Variants in CLPTM1L observed in about 807,000 individuals in gnomAD.
CLPTM1L encodes CLPTM1 like.
In CLPTM1L, 38 loss-of-function variants were observed where a neutral mutation model predicts 70.9. That is an observed-to-expected ratio of 0.54 (90% CI 0.41 to 0.70). CLPTM1L has a LOEUF of 0.70. CLPTM1L is among the 30% of genes least tolerant of loss of function. CLPTM1L has a pLI of 0.00. For synonymous variants in CLPTM1L, 339 were observed against 299.9 expected (o/e 1.13, Z -1.35); for missense variants, 652 against 705.9 (o/e 0.92, Z 0.87).
At chr5:1,336,526 A>T (rs1416109302) in intron 5 of CLPTM1L, among the ~76,000 whole-genome samples, 1 of 152,220 alleles carries the variant, frequency 6.6e-6, no homozygotes, top group African/African-American at 2.4e-5. Flanking sequence ...GCCTGCAAGG[A>T]GTCAGCGGCA....
chr5:1,322,948 C>G, intron 12 of CLPTM1L, 37 bp from the exon 13 acceptor site: 1 of 1,582,496 alleles, frequency 6.3e-7, no homozygotes, highest in Non-Finnish European at 8.7e-7. Flanking sequence ...CTATTTCTCG[C>G]ATAGCTTAAT....
intron 9 of CLPTM1L, among the ~76,000 whole-genome samples, chr5:1,329,115 T>C (rs903123125): frequency 2.0e-5 from 3 of 152,270 alleles, no homozygotes; most frequent in African/African-American, 7.2e-5. Flanking sequence ...CAGAGCTCAG[T>C]GAGGAGCTAG....
At chr5:1,320,029 C>T (rs1752059043) in intron 16 of CLPTM1L, among the ~76,000 whole-genome samples, 1 of 152,178 alleles carries the variant, frequency 6.6e-6, no homozygotes, top group Admixed American at 6.5e-5. Flanking sequence ...TTGGAAAATT[C>T]CGAGGCCCGG....
intron 2 of CLPTM1L, 32 bp downstream of exon 2, chr5:1,344,319 C>T: frequency 1.4e-6 from 2 of 1,395,602 alleles, no homozygotes; most frequent in Non-Finnish European, 1.0e-6. Flanking sequence ...TAATGTTTTC[C>T]CTTTCACTGG....
chr5:1,337,107 C>T (rs1753622685), intron 5 of CLPTM1L, among the ~76,000 whole-genome samples: 1 of 152,178 alleles, frequency 6.6e-6, no homozygotes, highest in Non-Finnish European at 1.5e-5. Flanking sequence ...TGCAGGGAGG[C>T]AGGGCAGGGC....
chr5:1,326,429 C>A, intron 9 of CLPTM1L: 1 of 243,184 alleles, frequency 4.1e-6, no homozygotes, highest in South Asian at 4.7e-5. Context: ...CCAGCTCCTC[C>A]TCGACAGACA....
At position 1,342,866 on chromosome 5, in the gene CLPTM1L, G is replaced by C. The variant is rs1754034597; in HGVS notation, c.264-1006C>G. On this transcript the variant is annotated intron_variant, in intron 2 of 16. Coordinates refer to ENST00000320895, the MANE Select transcript of CLPTM1L (RefSeq NM_030782.5). This position sits in a 1 kb window ranked among gnomAD's most constrained non-coding sequence, Gnocchi z 4.3. Reference sequence around the variant, plus strand: ...GGCCTCCCAAACTGCTGGGATTATAGGCATGAGTCACTGTGCCCGGCCTCT... The same window carrying C: ...GGCCTCCCAAACTGCTGGGATTATACGCATGAGTCACTGTGCCCGGCCTCT... Among the ~76,000 whole-genome samples the C allele has an allele frequency of 6.6e-6, 1 of 152,224 alleles. No homozygotes were observed. Among genetic ancestry groups the C allele is most frequent in the African/African-American group, 2.4e-5 (1 of 41,474 alleles).
chr5:1,321,850 G>A (rs1303657538), intron 13 of CLPTM1L, 31 bp from the exon 14 acceptor site: 7 of 1,601,176 alleles, frequency 4.4e-6, no homozygotes, highest in South Asian at 2.2e-5. Flanking sequence ...CTCACGAGGT[G>A]CGGAGGGCCG....
Position 1,323,836 on chromosome 5 carries a change from G to T in CLPTM1L, c.1231C>A (p.Leu411Ile). The change falls in exon 12 of 17, where the codon CTC becomes ATC. Residue 411 changes from leucine (L) to isoleucine (I), a missense_variant. Leu to Ile is a conservative substitution (Grantham distance 5). Around this residue, in one of 3 missense-constraint regions of CLPTM1L, gnomAD observed 240 missense variants for 295.0 expected, o/e 0.81. Transcript: ENST00000320895. ...GAATAGACAGCACCCCCGACACAGA[G>T]AGGGTACAGCAGGTATGACAAGTAC... ...MKYLSYLLYP[L>I]CVGGAVYSLL... The T allele has an allele frequency of 6.2e-7, 1 of 1,613,876 alleles. No homozygotes were observed. Among genetic ancestry groups the T allele is most frequent in the Non-Finnish European group, 8.5e-7 (1 of 1,179,980 alleles).
Position 1,331,993 on chromosome 5 carries a change from T to C in CLPTM1L, c.892-110A>G, listed in dbSNP as rs188618906. The C allele has an allele frequency of 3.7e-6, 3 of 808,900 alleles. No homozygotes were observed. The East Asian group carries it at 7.9e-5, about 21-fold the overall frequency. The allele number at this position is 808,900 out of a possible 1,614,324, so 50.1% of individuals were successfully genotyped here. A position where few individuals can be genotyped will look rare whatever the true frequency, so the allele number is the denominator to read the frequency against. ...CGTGAGACTGCAGGTGTACTCAGCCTCAGGATGCATCAGGATAAGTGTCTA... is the reference window on the plus strand; with the variant it reads ...CGTGAGACTGCAGGTGTACTCAGCCCCAGGATGCATCAGGATAAGTGTCTA... On this transcript the variant is annotated intron_variant, in intron 7 of 16. Coordinates refer to ENST00000320895, the MANE Select transcript of CLPTM1L (RefSeq NM_030782.5).
At chr5:1,329,742 C>A (rs1476164828) in intron 9 of CLPTM1L, among the ~76,000 whole-genome samples, 1 of 90,206 alleles carries the variant, frequency 1.1e-5, no homozygotes, top group Non-Finnish European at 2.2e-5. Flanking sequence ...CCTCAGGACT[C>A]TCTGCCTGGT....
At position 1,337,973 on chromosome 5, in the gene CLPTM1L, C is replaced by G. The variant is rs763141775; in HGVS notation, c.609G>C (p.Leu203=). 5.6e-6 allele frequency: 9 copies of G among 1,605,848 alleles called. No homozygotes were observed. In the Admixed American group the frequency reaches 1.5e-4, roughly 28 times the overall value. The part of the protein sequence containing the change: ...DVHRYMKMIQ[L]GKTVHYLPIL... ...TGGGCAGGTAATGCACGGTTTTCCC[C>G]AGCTGGATCCTGGGATTAAAGCACA... Residue 203 remains leucine (L), a synonymous_variant, in exon 5 of 17, where the codon CTG becomes CTC. Transcript: ENST00000320895.
intron 9 of CLPTM1L, chr5:1,326,425 C>A (rs1227581334): frequency 4.1e-6 from 1 of 242,244 alleles, no homozygotes; most frequent in Non-Finnish European, 7.8e-6. Flanking sequence ...TCATCCAGCT[C>A]CTCCTCGACA....
chr5:1,322,870 G>A lies in CLPTM1L; in HGVS notation c.1315+7C>T. The A allele has an allele frequency of 3.7e-6, 6 of 1,613,758 alleles. No individual in the cohort carries two copies. The highest frequency in any genetic ancestry group is 1.3e-5 in the African/African-American group (1 of 75,036). On this transcript the variant is annotated splice_region_variant and intron_variant, in intron 13 of 16. Coordinates refer to ENST00000320895, the MANE Select transcript of CLPTM1L (RefSeq NM_030782.5). ...TAGTACTGAAGCAGGGAAGCACATG[G>A]ACTCACCGTTGACGAAGCTGTTGAT...
rs142616186 is a variant in CLPTM1L at position 1,337,737 on chromosome 5, C to G, written c.678+167G>C. ...AAACCCAGCACACCACCAGGGCCCC[C>G]CTGTCACAACCCTCGCACACTCGAA... On this transcript the variant is annotated intron_variant, in intron 5 of 16. Coordinates refer to ENST00000320895, the MANE Select transcript of CLPTM1L (RefSeq NM_030782.5). Among the ~76,000 whole-genome samples the G allele has an allele frequency of 1.9e-4, 29 of 152,348 alleles. No individual in the cohort carries two copies. In the East Asian group the frequency reaches 5.6e-3, roughly 29 times the overall value.
At chr5:1,330,471 TC>T in intron 8 of CLPTM1L, 88 bp from the exon 9 acceptor site, 1 of 1,038,552 alleles carries the variant, frequency 9.6e-7, no homozygotes, top group South Asian at 1.3e-5. Context: ...CAGTCCCCCA[TC>T]CCAACCCACC....
At chr5:1,328,354 GGACACATTTCATCCAGCTCCTCCTCT>G (rs1752780791) in intron 9 of CLPTM1L, among the ~76,000 whole-genome samples, 1 of 47,666 alleles carries the variant, frequency 2.1e-5, no homozygotes, top group Non-Finnish European at 4.2e-5. Context: ...CCTCCTCTAC[GGACACATTTCATCCAGCTCCTCCTCT>G]ACAGGGACAT....
intron 13 of CLPTM1L, among the ~76,000 whole-genome samples, chr5:1,322,165 T>C (rs932844852): frequency 2.6e-5 from 4 of 152,132 alleles, no homozygotes; most frequent in African/African-American, 9.7e-5. Flanking sequence ...AGGGGTCAGG[T>C]GTGGGACTCC....
intron 5 of CLPTM1L, among the ~76,000 whole-genome samples, chr5:1,335,526 C>T (rs1753522155): frequency 6.6e-6 from 1 of 152,270 alleles, no homozygotes; most frequent in Admixed American, 6.5e-5. Context: ...CTCCATGGCG[C>T]AGCATACGGC....
Sources: gnomAD v4.1 joint callset for allele counts (sites outside exome capture counted in the v4.1 genomes callset) on GRCh38, gnomAD v4.1.1 for gene constraint, gnomAD v4.1.1 regional missense constraint, Gnocchi (gnomAD v3.1) non-coding constraint, MANE v1.5 for transcripts, NCBI Gene and HGNC (gene_info 2026-07-23, HGNC 2026-07-21) for gene names.